The following SLC22A2 variants were observed in gnomAD, a reference collection of about 807,000 sequenced individuals.
The protein encoded by SLC22A2 is solute carrier family 22 member 2.
In SLC22A2, 46 loss-of-function variants were observed where a neutral mutation model predicts 60.5. That is an observed-to-expected ratio of 0.76 (90% CI 0.60 to 0.97). The LOEUF (loss-of-function observed/expected upper bound fraction) is 0.97, where lower values mean the gene tolerates loss of function less well. SLC22A2 is among the 50% of genes least tolerant of loss of function. The pLI is 0.00. For synonymous variants in SLC22A2, 303 were observed against 267.0 expected (o/e 1.13, Z -1.31); for missense variants, 701 against 706.6 (o/e 0.99, Z 0.09).
rs765695228 is a variant in SLC22A2, at chr6:160,224,713, A to AT, written c.1592dup (p.Asn531LysfsTer9). On this transcript the variant is annotated frameshift_variant, in exon 10 of 11. Coordinates refer to ENST00000366953, the MANE Select transcript of SLC22A2 (RefSeq NM_003058.4). LOFTEE classifies it high-confidence loss of function. ...AACTTTCAACTGCCTACCTTTGCATATTTTCGGCTTCCTCGATGGTCTCAG... is the reference window on the plus strand; with the variant it reads ...AACTTTCAACTGCCTACCTTTGCATATTTTTCGGCTTCCTCGATGGTCTCAG... The AT allele has an allele frequency of 5.6e-6, 9 of 1,603,064 alleles. No individual in the cohort carries two copies. The highest frequency in any genetic ancestry group is 7.7e-6 in the Non-Finnish European group (9 of 1,173,570).
intron 9 of SLC22A2, among the ~76,000 whole-genome samples, chr6:160,234,080 T>G (rs940310242): frequency 1.3e-5 from 2 of 152,190 alleles, no homozygotes; most frequent in African/African-American, 4.8e-5. Flanking sequence ...TTCCTTCTCC[T>G]GGCTCATCCT....
intron 1 of SLC22A2, among the ~76,000 whole-genome samples, chr6:160,257,322 G>A (rs1402807467): frequency 6.6e-6 from 1 of 152,202 alleles, no homozygotes; most frequent in Non-Finnish European, 1.5e-5. Flanking sequence ...GCTGAAGGCT[G>A]CTGCATTTGC....
intron 6 of SLC22A2, chr6:160,244,992 C>G (rs1019049971): frequency 2.6e-5 from 4 of 152,252 alleles, no homozygotes; most frequent in African/African-American, 7.2e-5. Context: ...CCCCCACAAC[C>G]CTGTTTTTTG....
At chr6:160,246,070 G>A (rs1783090493) in intron 5 of SLC22A2, among the ~76,000 whole-genome samples, 2 of 152,022 alleles carry the variant, frequency 1.3e-5, no homozygotes, top group African/African-American at 2.4e-5. Flanking sequence ...GTTTCACCAT[G>A]TTGGCCAGGC....
At chr6:160,256,480 A>T (rs1302729544) in intron 2 of SLC22A2, 134 bp downstream of exon 2, 3 of 645,648 alleles carry the variant, frequency 4.6e-6, no homozygotes, top group Non-Finnish European at 8.3e-6. Context: ...GATTGTAAAA[A>T]CACCAGCATG....
At chr6:160,251,226 G>A (rs1336360517) in intron 2 of SLC22A2, among the ~76,000 whole-genome samples, 2 of 152,112 alleles carry the variant, frequency 1.3e-5, no homozygotes, top group East Asian at 3.8e-4. Context: ...ACTATCCTAT[G>A]GGGGCCTCTG....
chr6:160,251,573 G>T (rs1028200801), intron 2 of SLC22A2, among the ~76,000 whole-genome samples: 2 of 151,932 alleles, frequency 1.3e-5, no homozygotes, highest in Non-Finnish European at 2.9e-5. Context: ...GTTGACCTGG[G>T]GCCCAATACT....
At chr6:160,251,835 A>C (rs1438657298) in intron 2 of SLC22A2, among the ~76,000 whole-genome samples, 1 of 152,226 alleles carries the variant, frequency 6.6e-6, no homozygotes, top group East Asian at 1.9e-4. Flanking sequence ...AATAATCCAC[A>C]TTATTAATAA....
intron 4 of SLC22A2, among the ~76,000 whole-genome samples, chr6:160,248,866 A>G (rs911450353): frequency 6.6e-6 from 1 of 152,172 alleles, no homozygotes; most frequent in African/African-American, 2.4e-5. Flanking sequence ...GTTTCCTCTG[A>G]GTGGGGAGAG....
At position 160,256,648 on chromosome 6, in the gene SLC22A2, T is replaced by G. The variant is rs768587949; in HGVS notation, c.484A>C (p.Ile162Leu). 1 of 1,613,906 alleles carries G rather than the reference T, an allele frequency of 6.2e-7. No homozygotes were observed. The highest frequency in any genetic ancestry group is 8.5e-7 in the Non-Finnish European group (1 of 1,179,848). Reference sequence around the variant, plus strand: ...ATGTAGCCGATACTCATAGAGCCAATAAAGAATCCTACATTCACTGATGAC... The same window carrying G: ...ATGTAGCCGATACTCATAGAGCCAAGAAAGAATCCTACATTCACTGATGAC... ...FQSSVNVGFF[I>L]GSMSIGYIAD... The change falls in exon 2 of 11, where the codon ATT (isoleucine) becomes CTT (leucine). Residue 162 changes from isoleucine (I) to leucine (L), a missense_variant. Coordinates refer to ENST00000366953, the MANE Select transcript of SLC22A2 (RefSeq NM_003058.4).
chr6:160,243,464 T>G, intron 7 of SLC22A2, 108 bp downstream of exon 7: 2 of 895,762 alleles, frequency 2.2e-6, no homozygotes, highest in Non-Finnish European at 3.6e-6. Flanking sequence ...AATTTGTCTT[T>G]CCAAATTGAT....
chr6:160,258,816 G>C lies in SLC22A2; in HGVS notation c.-59C>G, dbSNP rs58812866. 2 of 1,473,310 alleles carry C rather than the reference G, an allele frequency of 1.4e-6. No homozygotes were observed. The highest frequency in any genetic ancestry group is 2.8e-5 in the African/African-American group (2 of 70,622). 91.3% of individuals were successfully genotyped at this position (1,473,310 alleles called of 1,614,324 possible). ...ACGTGCCCGGAGCGAGGCTGAGAGCGGCTGCAGCCAGCTCAGCACAAACCC... is the reference window on the plus strand; with the variant it reads ...ACGTGCCCGGAGCGAGGCTGAGAGCCGCTGCAGCCAGCTCAGCACAAACCC... On this transcript the variant is annotated 5_prime_UTR_variant, in exon 1 of 11. Transcript: ENST00000366953.
At chr6:160,227,018 C>CA (rs992719374) in intron 9 of SLC22A2, among the ~76,000 whole-genome samples, 3 of 151,814 alleles carry the variant, frequency 2.0e-5, no homozygotes, top group Non-Finnish European at 4.4e-5. Flanking sequence ...ACATGACAGA[C>CA]AAAAAAAATT....
At chr6:160,257,543 T>A (rs903282138) in intron 1 of SLC22A2, among the ~76,000 whole-genome samples, 2 of 152,148 alleles carry the variant, frequency 1.3e-5, no homozygotes, top group African/African-American at 4.8e-5. Context: ...GTGAAGCCCA[T>A]GAGCTGCCAC....
chr6:160,217,142 G>T lies in SLC22A2; in HGVS notation c.*290C>A, dbSNP rs1032225459. 1.4e-5 allele frequency: 4 copies of T among 279,774 alleles called. No homozygotes were observed. The highest frequency in any genetic ancestry group is 4.4e-5 in the African/African-American group (2 of 45,704). 17.3% of individuals were successfully genotyped at this position (279,774 alleles called of 1,614,324 possible). On this transcript the variant is annotated 3_prime_UTR_variant, in exon 11 of 11. Coordinates refer to ENST00000366953, the MANE Select transcript of SLC22A2 (RefSeq NM_003058.4). ...TGGTTAGATAGCATTGCAAAGAAAA[G>T]AATCAAATTTAAAAAAATACAAAGA...
rs751710851 is a variant in SLC22A2 at position 160,258,498 on chromosome 6, C to G, written c.260G>C (p.Arg87Thr). ...GPGPAGEASPRQCRRYEVDWN... is the reference protein window; with the variant it reads ...GPGPAGEASPTQCRRYEVDWN... ...GTCCACCTCGTAGCGCCTACACTGT[C>G]TTGGGGAGGCTTCGCCCGCAGGTCC... The change falls in exon 1 of 11, where the codon AGA becomes ACA. Residue 87 changes from arginine (R) to threonine (T), a missense_variant. By Grantham distance (71) the Arg-to-Thr change is moderately conservative. Coordinates refer to ENST00000366953, the MANE Select transcript of SLC22A2 (RefSeq NM_003058.4). The G allele has an allele frequency of 2.5e-6, 4 of 1,614,166 alleles. No homozygotes were observed. In the Admixed American group the frequency reaches 6.7e-5, roughly 27 times the overall value.
At chr6:160,238,352 T>G (rs1410399518) in intron 9 of SLC22A2, among the ~76,000 whole-genome samples, 1 of 152,218 alleles carries the variant, frequency 6.6e-6, no homozygotes, top group East Asian at 1.9e-4. Context: ...CCTCCCAAGA[T>G]TCACTTGGTT....
At chr6:160,242,425 T>C (rs779993650) in intron 7 of SLC22A2, 23 bp from the exon 8 acceptor site, 2 of 1,250,612 alleles carry the variant, frequency 1.6e-6, no homozygotes, top group Non-Finnish European at 2.4e-6. Flanking sequence ...AGAACAGTAC[T>C]TATCCGTACA....
chr6:160,222,314 A>C (rs1444436645), intron 10 of SLC22A2, among the ~76,000 whole-genome samples: 1 of 152,208 alleles, frequency 6.6e-6, no homozygotes, highest in Non-Finnish European at 1.5e-5. Flanking sequence ...GTCCCCATTT[A>C]CAGATGAGGA....
Sources: gnomAD v4.1 joint callset for allele counts (sites outside exome capture counted in the v4.1 genomes callset) on GRCh38, gnomAD v4.1.1 for gene constraint, MANE v1.5 for transcripts, NCBI Gene and HGNC (gene_info 2026-07-23, HGNC 2026-07-21) for gene names.